ARGFX: variants seen among roughly 807,000 people sequenced by gnomAD.
ARGFX encodes the protein arginine-fifty homeobox.
A neutral mutation model predicts 8.0 loss-of-function variants in ARGFX; 10 were observed. The ratio of observed to expected loss-of-function variants is 1.25; its 90% CI spans 0.77 to 2.12. ARGFX has a LOEUF of 2.12. ARGFX is among the 30% of genes most tolerant of loss of function. The pLI is 0.00. For missense variants in ARGFX, 282 were observed against 324.3 expected, an observed-to-expected ratio of 0.87 and a Z score of 1.00; for synonymous variants, 116 against 117.8, an observed-to-expected ratio of 0.98 and a Z score of 0.10.
rs2048820809 is a variant in ARGFX, at chr3:121,587,784, G to A, written c.*1184G>A. 6.6e-6 allele frequency among the ~76,000 whole-genome samples: 1 copy of A among 152,048 alleles called. No homozygotes were observed. The highest frequency in any genetic ancestry group is 2.0e-4 in the East Asian group (1 of 5,126). On this transcript the variant is annotated 3_prime_UTR_variant, in exon 5 of 5. Transcript: ENST00000334384. Reference sequence around the variant, plus strand: ...AACAGTCCTCCCACCTCAGCCTTCTGAGTAGCTGAGACTACAGACATGCGC... The same window carrying A: ...AACAGTCCTCCCACCTCAGCCTTCTAAGTAGCTGAGACTACAGACATGCGC...
At chr3:121,576,418 A>C (rs1033944138) in intron 2 of ARGFX, among the ~76,000 whole-genome samples, 43 of 152,046 alleles carry the variant, frequency 2.8e-4, no homozygotes, top group African/African-American at 9.7e-4. Flanking sequence ...GACTCACCGC[A>C]ACCTCTGCCT....
At chr3:121,575,144 C>T (rs1023465601) in intron 2 of ARGFX, among the ~76,000 whole-genome samples, 1 of 151,758 alleles carries the variant, frequency 6.6e-6, no homozygotes, top group East Asian at 1.9e-4. Flanking sequence ...ATGGTGAGAC[C>T]CCCCATCTCT....
intron 2 of ARGFX, among the ~76,000 whole-genome samples, chr3:121,575,505 G>A (rs2048730996): frequency 6.6e-6 from 1 of 152,118 alleles, no homozygotes; most frequent in African/African-American, 2.4e-5. Context: ...GGCTTGGAGG[G>A]AGAGAGTGGG....
intron 3 of ARGFX, among the ~76,000 whole-genome samples, chr3:121,581,927 A>C (rs1485061956): frequency 1.3e-5 from 2 of 152,046 alleles, no homozygotes; most frequent in African/African-American, 4.8e-5. Context: ...TCAGCTCCTC[A>C]GTGGAACTAG....
Position 121,576,701 on chromosome 3 carries a change from C to CTT in ARGFX, c.104-81_104-80dup, listed in dbSNP as rs1317470277. The CTT allele has an allele frequency of 1.2e-5, 3 of 257,376 alleles. No homozygotes were observed. The African/African-American group carries it at 1.5e-4, about 13-fold the overall frequency. The allele number at this position is 257,376 out of a possible 1,614,324, so 15.9% of individuals were successfully genotyped here. A position where few individuals can be genotyped will look rare whatever the true frequency, so the allele number is the denominator to read the frequency against. On this transcript the variant is annotated intron_variant, in intron 2 of 4. Coordinates refer to ENST00000334384, the MANE Select transcript of ARGFX (RefSeq NM_001012659.2). ...TCTTTCTTTTTCTTTCTTTCTCTTTCTTTCTTTTTCTTTCTTTCTTTCTTT... is the reference window on the plus strand; with the variant it reads ...TCTTTCTTTTTCTTTCTTTCTCTTTCTTTTTCTTTTTCTTTCTTTCTTTCTTT...
intron 2 of ARGFX, among the ~76,000 whole-genome samples, chr3:121,575,625 G>A (rs867455847): frequency 6.6e-6 from 1 of 152,004 alleles, no homozygotes; most frequent in African/African-American, 2.4e-5. Flanking sequence ...TTAAGAAGGT[G>A]TGGCTAGGTT....
intron 3 of ARGFX, among the ~76,000 whole-genome samples, chr3:121,580,604 A>AT (rs1414827075): frequency 2.1e-5 from 2 of 96,212 alleles, no homozygotes; most frequent in Admixed American, 1.2e-4. Flanking sequence ...GTATATATAT[A>AT]TATTTTTTTT....
At chr3:121,568,899 G>A (rs1028908823) in intron 1 of ARGFX, among the ~76,000 whole-genome samples, 2 of 152,060 alleles carry the variant, frequency 1.3e-5, no homozygotes, top group African/African-American at 2.4e-5. Context: ...TGTTATTGCT[G>A]TTCCAATTTT....
chr3:121,571,612 G>T (rs1368330175), intron 2 of ARGFX, among the ~76,000 whole-genome samples: 1 of 151,470 alleles, frequency 6.6e-6, no homozygotes, highest in Non-Finnish European at 1.5e-5. Flanking sequence ...ACCCAGGCTG[G>T]CAGTGCAGTG....
chr3:121,580,567 AGTGTGT>A (rs143363410), intron 3 of ARGFX, among the ~76,000 whole-genome samples: 5 of 128,088 alleles, frequency 3.9e-5, no homozygotes, highest in Non-Finnish European at 6.3e-5. Flanking sequence ...TATAAAGAAA[AGTGTGT>A]GTGTGTGTGT....
chr3:121,578,836 A>ATTT lies in ARGFX; in HGVS notation c.220+1948_220+1950dup, dbSNP rs71668158. The stretch of plus-strand genomic sequence containing the variant: ...CAGGCACCCGCCACCACACCCAGCT[A>ATTT]TTTTTTTTTTTTTTGTATTTTTAGT... On this transcript the variant is annotated intron_variant, in intron 3 of 4. Transcript: ENST00000334384. Among the ~76,000 whole-genome samples the ATTT allele has an allele frequency of 7.1e-3, 991 of 140,192 alleles. 9 individuals carry two copies. The highest frequency in any genetic ancestry group is 0.023 in the African/African-American group (885 of 38,002). 92.0% of individuals were successfully genotyped at this position (140,192 alleles called of 152,430 possible).
At position 121,576,870 on chromosome 3, in the gene ARGFX, A is replaced by G; in HGVS notation, c.190A>G (p.Thr64Ala). 5.3e-6 allele frequency: 2 copies of G among 374,644 alleles called. No individual in the cohort carries two copies. The highest frequency in any genetic ancestry group is 3.9e-5 in the South Asian group (2 of 51,854). 23.2% of individuals were successfully genotyped at this position (374,644 alleles called of 1,614,324 possible). Residue 64 changes from threonine to alanine, a missense_variant, in exon 3 of 5, where the codon ACC (threonine) becomes GCC (alanine). By Grantham distance (58) the Thr-to-Ala change is moderately conservative. Coordinates refer to ENST00000334384, the MANE Select transcript of ARGFX (RefSeq NM_001012659.2). ...CCTCCCAGGTTCAACTGATCCTCCC[A>G]CCTCAGCCTCCCGAGTAGCTGCGAC... ...LNLPGSTDPP[T>A]SASRVAATTA...
chr3:121,572,887 T>C (rs2048716959), intron 2 of ARGFX, among the ~76,000 whole-genome samples: 1 of 152,156 alleles, frequency 6.6e-6, no homozygotes, highest in Non-Finnish European at 1.5e-5. Flanking sequence ...GCTAAGGCCA[T>C]TCAATTGGGA....
chr3:121,573,246 C>T lies in ARGFX; in HGVS notation c.103+2430C>T, dbSNP rs115964468. Among the ~76,000 whole-genome samples, 602 of 152,188 alleles carry T rather than the reference C, an allele frequency of 4.0e-3. 4 individuals are homozygous for T. Among genetic ancestry groups the T allele is most frequent in the African/African-American group, 8.5e-3 (351 of 41,524 alleles). ...CTGTAATCCCAGCACTTTGCAAGGC[C>T]GAGATGCGTGGATCACCTGAGGTCA... On this transcript the variant is annotated intron_variant, in intron 2 of 4. Transcript: ENST00000334384.
rs1397370183 is a variant in ARGFX at position 121,589,628 on chromosome 3, AG to A, written c.*3029del. Among the ~76,000 whole-genome samples the A allele has an allele frequency of 2.0e-5, 3 of 152,168 alleles. No homozygotes were observed. The highest frequency in any genetic ancestry group is 7.2e-5 in the African/African-American group (3 of 41,436). On this transcript the variant is annotated 3_prime_UTR_variant, in exon 5 of 5. Coordinates refer to ENST00000334384, the MANE Select transcript of ARGFX (RefSeq NM_001012659.2). The stretch of plus-strand genomic sequence containing the variant: ...TGAGCTCAAGTGATCCTCCCGTCTC[AG>A]CCTCCCAAAGGGCTGAGATTACAGG...
chr3:121,584,769 A>T, intron 3 of ARGFX, 148 bp from the exon 4 acceptor site: 1 of 870,602 alleles, frequency 1.1e-6, no homozygotes, highest in East Asian at 2.5e-5. Flanking sequence ...AAGACCTGGG[A>T]TCTGCATTTT....
At chr3:121,571,730 A>ATTTTTTTTTTTTTTT (rs1173636701) in intron 2 of ARGFX, among the ~76,000 whole-genome samples, 5 of 107,104 alleles carry the variant, frequency 4.7e-5, no homozygotes, top group African/African-American at 7.1e-5. Flanking sequence ...TGCCCGGCAA[A>ATTTTTTTTTTTTTTT]TTTTTTTTTT....
rs147781703 is a variant in ARGFX, at chr3:121,588,896, A to G, written c.*2296A>G. Among the ~76,000 whole-genome samples, 2 of 152,364 alleles carry G rather than the reference A, an allele frequency of 1.3e-5. No homozygotes were observed. Among genetic ancestry groups the G allele is most frequent in the African/African-American group, 4.8e-5 (2 of 41,586 alleles). On this transcript the variant is annotated 3_prime_UTR_variant, in exon 5 of 5. Coordinates refer to ENST00000334384, the MANE Select transcript of ARGFX (RefSeq NM_001012659.2). ...CCAAACATGATGGAACGAAATTAGA[A>G]ATCAATAAAATTTGGGAAATTCACA...
At chr3:121,571,658 G>C (rs2048708782) in intron 2 of ARGFX, among the ~76,000 whole-genome samples, 1 of 151,380 alleles carries the variant, frequency 6.6e-6, no homozygotes, top group Non-Finnish European at 1.5e-5. Flanking sequence ...CCACCTCCCG[G>C]GTTCAAGTGA....
Sources: gnomAD v4.1 joint callset for allele counts (sites outside exome capture counted in the v4.1 genomes callset) on GRCh38, gnomAD v4.1.1 for gene constraint, MANE v1.5 for transcripts, NCBI Gene and HGNC (gene_info 2026-07-23, HGNC 2026-07-21) for gene names.